SCN9A: variants seen among roughly 807,000 people sequenced by gnomAD.
SCN9A encodes the protein sodium channel protein type 9 subunit alpha.
Under a neutral mutation model 187.0 loss-of-function variants are expected in SCN9A, and 131 were observed. The observed-to-expected ratio is 0.70, with a 90% CI of 0.61 to 0.81. The LOEUF (loss-of-function observed/expected upper bound fraction) is 0.81. Ranked by LOEUF, SCN9A falls within the 30% of genes least tolerant of loss-of-function variation. The pLI is 0.00. For missense variants in SCN9A, 2,252 were observed against 2,396.6 expected, an observed-to-expected ratio of 0.94 and a Z score of 1.26; for synonymous variants, 809 against 808.6, an observed-to-expected ratio of 1.00 and a Z score of -0.01.
At chr2:166,256,472 T>C (rs1337799491) in intron 17 of SCN9A, among the ~76,000 whole-genome samples, 1 of 151,524 alleles carries the variant, frequency 6.6e-6, no homozygotes, top group Non-Finnish European at 1.5e-5. Context: ...TATTGATCAG[T>C]GGAAAACTCA....
In SCN9A at chr2:166,242,586, G is replaced by A. The variant is rs1321947021; in HGVS notation, c.3543C>T (p.Ile1181=). 1 of 1,566,804 alleles carries A rather than the reference G, an allele frequency of 6.4e-7. No individual in the cohort carries two copies. The highest frequency in any genetic ancestry group is 2.4e-5 in the East Asian group (1 of 42,408). The part of the protein sequence containing the change: ...ESGKGKIWWN[I]RKTCYKIVEH... ...CAACAATCTTGTAGCAGGTTTTCCT[G>A]ATGTTCCACCAGATTTTTCCTTTCC... Residue 1181 remains isoleucine (I), a synonymous_variant, in exon 19 of 27, where the codon ATC becomes ATT. Transcript: ENST00000642356.
chr2:166,199,132 A>G lies in SCN9A; in HGVS notation c.5507T>C (p.Ile1836Thr). The stretch of plus-strand genomic sequence containing the variant: ...AGCAAATAAGATGTCAAGACAATGG[A>G]TCCGGTCACCACTAACCATGGGCAG... The part of the protein sequence containing the change: ...MDLPMVSGDR[I>T]HCLDILFAFT... The change falls in exon 27 of 27, where the codon ATC (isoleucine) becomes ACC (threonine). Residue 1836 changes from isoleucine to threonine, a missense_variant. This residue lies in a region of SCN9A where 345 missense variants were observed against 344.6 expected (regional missense o/e 1.00). Coordinates refer to ENST00000642356, the MANE Select transcript of SCN9A (RefSeq NM_001365536.1). The G allele has an allele frequency of 6.2e-7, 1 of 1,614,142 alleles. No homozygotes were observed. Among genetic ancestry groups the G allele is most frequent in the South Asian group, 1.1e-5 (1 of 91,076 alleles).
chr2:166,248,612 A>G (rs1434367093), intron 18 of SCN9A, among the ~76,000 whole-genome samples: 1 of 130,798 alleles, frequency 7.6e-6, no homozygotes, highest in African/African-American at 2.9e-5. Context: ...ATGTCTTATA[A>G]TCTGGCCTCT....
chr2:166,225,308 C>G (rs535476978), intron 24 of SCN9A, among the ~76,000 whole-genome samples: 1 of 152,128 alleles, frequency 6.6e-6, no homozygotes, highest in African/African-American at 2.4e-5. Context: ...TCAATTGTCA[C>G]GTATTTCATA....
At chr2:166,232,041 A>C (rs1032973315) in intron 21 of SCN9A, among the ~76,000 whole-genome samples, 16 of 152,212 alleles carry the variant, frequency 1.1e-4, no homozygotes, top group Non-Finnish European at 7.3e-5. Context: ...CTTAAAGGAC[A>C]GATAGGTGTT....
At chr2:166,226,536 C>T in intron 24 of SCN9A, 31 bp downstream of exon 24, 1 of 1,437,614 alleles carries the variant, frequency 7.0e-7, no homozygotes, top group South Asian at 1.4e-5. Flanking sequence ...TCATCCCTTT[C>T]ATTACAATGA....
chr2:166,318,464 T>A (rs1002083814), intron 1 of SCN9A, among the ~76,000 whole-genome samples: 1 of 151,082 alleles, frequency 6.6e-6, no homozygotes. Flanking sequence ...AAGACTAAGA[T>A]GAACAGACCA....
At chr2:166,282,467 A>G (rs910869698) in intron 12 of SCN9A, among the ~76,000 whole-genome samples, 3 of 152,152 alleles carry the variant, frequency 2.0e-5, no homozygotes, top group Admixed American at 6.6e-5. Context: ...GAACTCATGC[A>G]TAACAAGTGT....
chr2:166,368,076 TAAG>T (rs1283959186), intron 1 of SCN9A, among the ~76,000 whole-genome samples: 1 of 152,218 alleles, frequency 6.6e-6, no homozygotes, highest in Non-Finnish European at 1.5e-5. Context: ...TTGGAATATA[TAAG>T]ATTTCTTTCC....
chr2:166,278,612 A>G (rs1697342090), intron 14 of SCN9A, among the ~76,000 whole-genome samples: 1 of 152,206 alleles, frequency 6.6e-6, no homozygotes, highest in Non-Finnish European at 1.5e-5. Context: ...TAATTGACAC[A>G]GTCACTATTT....
At chr2:166,220,392 G>A (rs1335445718) in intron 24 of SCN9A, among the ~76,000 whole-genome samples, 1 of 152,130 alleles carries the variant, frequency 6.6e-6, no homozygotes, top group African/African-American at 2.4e-5. Context: ...CCTTTTAAAT[G>A]CATTAATGCT....
chr2:166,320,940 G>T (rs867224001), intron 1 of SCN9A, among the ~76,000 whole-genome samples: 1 of 152,054 alleles, frequency 6.6e-6, no homozygotes, highest in African/African-American at 2.4e-5. Context: ...AGATGCCAGG[G>T]CTTATCTAAG....
At chr2:166,203,750 G>T (rs2106345612) in intron 26 of SCN9A, among the ~76,000 whole-genome samples, 1 of 151,936 alleles carries the variant, frequency 6.6e-6, no homozygotes, top group East Asian at 1.9e-4. Context: ...GAAATATTTG[G>T]CTTTGGGGCC....
chr2:166,270,634 A>AT (rs541484098), intron 17 of SCN9A, among the ~76,000 whole-genome samples: 70 of 150,664 alleles, frequency 4.6e-4, no homozygotes, highest in Non-Finnish European at 7.3e-4. Flanking sequence ...TTATGTATTG[A>AT]TTTTTTTTGA....
rs556584085 is a variant in SCN9A at position 166,309,787 on chromosome 2, C to T, written c.258+1712G>A. On this transcript the variant is annotated intron_variant, in intron 2 of 26. Transcript: ENST00000642356. ...TATGGAACCAAAAAAGAGCCCGCATCGCCAAGTCAATCCTAAGCCAAAAGA... is the reference window on the plus strand; with the variant it reads ...TATGGAACCAAAAAAGAGCCCGCATTGCCAAGTCAATCCTAAGCCAAAAGA... 3.7e-4 allele frequency among the ~76,000 whole-genome samples: 55 copies of T among 147,132 alleles called. 1 individual carries two copies. In the East Asian group the frequency reaches 0.011, roughly 28 times the overall value.
In SCN9A at chr2:166,199,293, G is replaced by A. The variant is rs759347599; in HGVS notation, c.5346C>T (p.Phe1782=). The A allele has an allele frequency of 6.2e-7, 1 of 1,614,026 alleles. No individual in the cohort carries two copies. The highest frequency in any genetic ancestry group is 1.3e-5 in the African/African-American group (1 of 74,904). ...EPLSEDDFEM[F]YEVWEKFDPD... is the part of the protein sequence containing the mutation. ...GATCAAACTTCTCCCAAACCTCATA[G>A]AACATCTCAAAGTCATCCTCACTCA... The change falls in exon 27 of 27, where the codon TTC becomes TTT. Residue 1782 remains phenylalanine, a synonymous_variant. Coordinates refer to ENST00000642356, the MANE Select transcript of SCN9A (RefSeq NM_001365536.1).
intron 24 of SCN9A, among the ~76,000 whole-genome samples, chr2:166,213,950 T>C (rs893710774): frequency 6.6e-6 from 1 of 152,098 alleles, no homozygotes; most frequent in Non-Finnish European, 1.5e-5. Flanking sequence ...TGCCTTACAT[T>C]TGGGAAGAAA....
intron 14 of SCN9A, among the ~76,000 whole-genome samples, chr2:166,279,534 A>G (rs556873485): frequency 2.0e-5 from 3 of 152,112 alleles, no homozygotes; most frequent in Non-Finnish European, 4.4e-5. Context: ...TCTGGCATCA[A>G]TTTTACTAAT....
At chr2:166,251,994 A>G in intron 17 of SCN9A, 109 bp from the exon 18 acceptor site, 1 of 1,262,704 alleles carries the variant, frequency 7.9e-7, no homozygotes. Flanking sequence ...ATGAAAAAAG[A>G]TTAATAGTAT....
Sources: allele counts gnomAD v4.1 joint callset (sites outside exome capture counted in the v4.1 genomes callset), GRCh38; gene constraint gnomAD v4.1.1; regional missense constraint gnomAD v4.1.1; transcripts MANE v1.5; gene names NCBI Gene and HGNC (gene_info 2026-07-23, HGNC 2026-07-21).